The following TEX29 variants were observed in gnomAD, a reference collection of about 807,000 sequenced individuals.
The protein encoded by TEX29 is testis-expressed protein 29.
In TEX29, 26 loss-of-function variants were observed where a neutral mutation model predicts 18.2. That is an observed-to-expected ratio of 1.43 (90% CI 1.04 to 1.98). TEX29 has a LOEUF of 1.98. Among genes scored for constraint, TEX29 ranks in the 30% most tolerant of loss-of-function variants. The pLI, the probability that TEX29 is intolerant of heterozygous loss-of-function variation, is 0.00. For missense variants in TEX29, 177 were observed against 194.2 expected, an observed-to-expected ratio of 0.91 and a Z score of 0.53; for synonymous variants, 83 against 78.5, an observed-to-expected ratio of 1.06 and a Z score of -0.31.
intron 3 of TEX29, among the ~76,000 whole-genome samples, chr13:111,337,479 G>A (rs1208098947): frequency 1.3e-5 from 2 of 151,988 alleles, no homozygotes; most frequent in Non-Finnish European, 2.9e-5. Context: ...AGAGCAACTG[G>A]CCCAAGAGAG....
At chr13:111,330,387 A>C (rs1026477946) in intron 3 of TEX29, among the ~76,000 whole-genome samples, 1 of 152,180 alleles carries the variant, frequency 6.6e-6, no homozygotes, top group Non-Finnish European at 1.5e-5. Flanking sequence ...ATGAGAGGTC[A>C]CAATGGATAC....
chr13:111,322,392 C>T (rs531858919), intron 2 of TEX29, among the ~76,000 whole-genome samples: 58 of 152,360 alleles, frequency 3.8e-4, no homozygotes, highest in African/African-American at 1.4e-3. Context: ...AGAAAGCGCT[C>T]CCTCTTCCAG....
chr13:111,325,977 C>T (rs1432211334), intron 2 of TEX29, among the ~76,000 whole-genome samples: 7 of 152,244 alleles, frequency 4.6e-5, no homozygotes, highest in African/African-American at 1.7e-4. Flanking sequence ...GAGCAGATGC[C>T]TCTGTGCTGC....
upstream of TEX29, among the ~76,000 whole-genome samples, chr13:111,319,614 G>T (rs566678872): frequency 6.6e-6 from 1 of 152,016 alleles, no homozygotes; most frequent in African/African-American, 2.4e-5. Context: ...CATCCAAGCC[G>T]TCCGCCACTC....
At chr13:111,329,454 A>G (rs9284257) in intron 3 of TEX29, among the ~76,000 whole-genome samples, 4,616 of 150,368 alleles carry the variant, frequency 0.031, 120 homozygotes, top group African/African-American at 0.069. Context: ...CGCTAGACTG[A>G]GCCTTCAGAG....
At chr13:111,321,107 G>A (rs72653588) in intron 2 of TEX29, among the ~76,000 whole-genome samples, 159 bp downstream of exon 2, 4,544 of 152,160 alleles carry the variant, frequency 0.03, 115 homozygotes, top group African/African-American at 0.066. Flanking sequence ...GAAATAACCT[G>A]GGAAAACGCT....
At chr13:111,320,525 T>C (rs2093662148), upstream of TEX29, 1 of 329,452 alleles carries the variant, frequency 3.0e-6, no homozygotes, top group African/African-American at 2.1e-5. Context: ...ATGCAGCCAG[T>C]GTCAAGGTGG....
At chr13:111,321,822 G>C (rs751616611) in intron 2 of TEX29, among the ~76,000 whole-genome samples, 12 of 152,136 alleles carry the variant, frequency 7.9e-5, no homozygotes, top group Non-Finnish European at 1.6e-4. Flanking sequence ...TACTTGGAAG[G>C]CTGAGGCAGG....
upstream of TEX29, among the ~76,000 whole-genome samples, chr13:111,318,133 C>T (rs1307495821): frequency 2.0e-5 from 3 of 152,190 alleles, no homozygotes. Flanking sequence ...ATCCCCTGCT[C>T]TCAGCCTGGC....
chr13:111,316,367 C>T (rs559346215), upstream of TEX29: 1,498 of 443,080 alleles, frequency 3.4e-3, 14 homozygotes, highest in Middle Eastern at 0.015. Context: ...TCTGCTGCCT[C>T]GTGGAGCCCC....
At chr13:111,337,219 T>C (rs942142486) in intron 3 of TEX29, among the ~76,000 whole-genome samples, 1 of 152,194 alleles carries the variant, frequency 6.6e-6, no homozygotes, top group Non-Finnish European at 1.5e-5. Flanking sequence ...TGTGACAAAT[T>C]ACCCCAAAAC....
At chr13:111,316,395 C>T, upstream of TEX29, 1 of 420,906 alleles carries the variant, frequency 2.4e-6, no homozygotes, top group Non-Finnish European at 4.8e-6. Flanking sequence ...TGCCCTGAGG[C>T]TGTCCCATGC....
chr13:111,317,454 C>T (rs1300058972), upstream of TEX29, among the ~76,000 whole-genome samples: 1 of 152,194 alleles, frequency 6.6e-6, no homozygotes, highest in Non-Finnish European at 1.5e-5. Flanking sequence ...GTGGGGGCCA[C>T]AGGCTCTGGT....
intron 4 of TEX29, among the ~76,000 whole-genome samples, chr13:111,342,418 T>A (rs2093697950): frequency 6.6e-6 from 1 of 151,770 alleles, no homozygotes; most frequent in Non-Finnish European, 1.5e-5. Context: ...TGAGGCTGGA[T>A]GTGGTGGCTC....
chr13:111,343,329 G>A lies in TEX29; in HGVS notation c.415+398G>A, dbSNP rs536112008. On this transcript the variant is annotated intron_variant, in intron 5 of 5. Coordinates refer to ENST00000283547, the MANE Select transcript of TEX29 (RefSeq NM_152324.3). ...CCATGGGTACTCTCTGTGGCACCCT[G>A]GCCACGTGGTGGTCTTGGTTGTGCA... Among the ~76,000 whole-genome samples the A allele has an allele frequency of 2.0e-5, 3 of 151,906 alleles. No homozygotes were observed. The South Asian group carries it at 6.3e-4, about 32-fold the overall frequency.
intron 4 of TEX29, among the ~76,000 whole-genome samples, chr13:111,340,141 CCA>C: frequency 6.6e-6 from 1 of 151,758 alleles, no homozygotes; most frequent in Non-Finnish European, 1.5e-5. Flanking sequence ...AAATCATAAC[CCA>C]TGTTTAGTGA....
At chr13:111,333,799 C>G (rs761523652) in intron 3 of TEX29, among the ~76,000 whole-genome samples, 3 of 152,186 alleles carry the variant, frequency 2.0e-5, no homozygotes, top group Non-Finnish European at 4.4e-5. Flanking sequence ...CTGCCAAACA[C>G]TTTTAAACCA....
chr13:111,324,956 G>GA (rs1165222632), intron 2 of TEX29, among the ~76,000 whole-genome samples: 5 of 152,198 alleles, frequency 3.3e-5, no homozygotes, highest in Admixed American at 6.5e-5. Flanking sequence ...ATGAGCGAGG[G>GA]AATGAATGGC....
intron 3 of TEX29, among the ~76,000 whole-genome samples, chr13:111,338,870 CTG>C (rs1178727919): frequency 8.5e-5 from 13 of 152,330 alleles, no homozygotes; most frequent in Admixed American, 2.0e-4. Flanking sequence ...ACCAAGGACT[CTG>C]AGAGGAATGA....
Sources: allele counts gnomAD v4.1 joint callset (sites outside exome capture counted in the v4.1 genomes callset), GRCh38; gene constraint gnomAD v4.1.1; transcripts MANE v1.5; gene names NCBI Gene and HGNC (gene_info 2026-07-23, HGNC 2026-07-21).